The following DCAF6 variants were observed in gnomAD, a reference collection of about 807,000 sequenced individuals.
DCAF6 encodes the protein DDB1- and CUL4-associated factor 6.
DCAF6 carries 54 observed loss-of-function variants against 125.1 expected under a neutral mutation model. The ratio of observed to expected loss-of-function variants is 0.43; its 90% CI spans 0.35 to 0.54. The LOEUF (loss-of-function observed/expected upper bound fraction) is 0.54. Ranked by LOEUF, DCAF6 falls within the 20% of genes least tolerant of loss-of-function variation. The pLI, the probability that DCAF6 is intolerant of heterozygous loss-of-function variation, is 0.01. For synonymous variants in DCAF6, 371 were observed against 390.4 expected, an observed-to-expected ratio of 0.95 and a Z score of 0.58; for missense variants, 934 against 1,161.7, an observed-to-expected ratio of 0.80 and a Z score of 2.85.
the DCAF6 span, among the ~76,000 whole-genome samples, chr1:167,896,955 G>T: frequency 6.6e-6 from 1 of 152,044 alleles, no homozygotes; most frequent in Non-Finnish European, 1.5e-5. Flanking sequence ...ATACTTTTCT[G>T]CCCTTAGAAC....
At chr1:167,912,386 C>G in the DCAF6 span, among the ~76,000 whole-genome samples, 1 of 152,196 alleles carries the variant, frequency 6.6e-6, no homozygotes, top group African/African-American at 2.4e-5. Context: ...TCCCTTGCCC[C>G]ACATGTTCCT....
At chr1:168,002,233 A>G (rs1426204483) in intron 7 of DCAF6, among the ~76,000 whole-genome samples, 1 of 152,176 alleles carries the variant, frequency 6.6e-6, no homozygotes, top group Non-Finnish European at 1.5e-5. Context: ...CATGATTTCA[A>G]AGTTGCATTC....
At chr1:168,051,151 A>G (rs1689877466) in intron 17 of DCAF6, among the ~76,000 whole-genome samples, 1 of 152,242 alleles carries the variant, frequency 6.6e-6, no homozygotes, top group Middle Eastern at 3.2e-3. Flanking sequence ...CTGTGTGCAG[A>G]CTGATGTTCA....
chr1:167,906,583 C>T, the DCAF6 span, among the ~76,000 whole-genome samples: 1 of 147,242 alleles, frequency 6.8e-6, no homozygotes, highest in Admixed American at 6.9e-5. Flanking sequence ...AGCCCGAGTT[C>T]GAGACCAGCT....
At chr1:167,867,435 A>C in the DCAF6 span, among the ~76,000 whole-genome samples, 1 of 152,192 alleles carries the variant, frequency 6.6e-6, no homozygotes, top group Non-Finnish European at 1.5e-5. Flanking sequence ...CAGTATATAC[A>C]TCAAGTCACT....
chr1:167,925,606 G>A, the DCAF6 span, among the ~76,000 whole-genome samples: 2 of 147,818 alleles, frequency 1.4e-5, no homozygotes, highest in African/African-American at 2.5e-5. Context: ...GAGTGCAATG[G>A]CACAATCTCG....
intron 7 of DCAF6, among the ~76,000 whole-genome samples, chr1:167,998,448 G>A (rs1203721544): frequency 6.6e-6 from 1 of 152,076 alleles, no homozygotes; most frequent in Non-Finnish European, 1.5e-5. Context: ...TGAAGTTTCT[G>A]CATCGATAGA....
At chr1:167,881,702 G>C in the DCAF6 span, among the ~76,000 whole-genome samples, 1 of 152,162 alleles carries the variant, frequency 6.6e-6, no homozygotes, top group African/African-American at 2.4e-5. Context: ...AATCATTTGA[G>C]ACAAATACTA....
chr1:167,949,147 G>A (rs957675613), intron 1 of DCAF6, among the ~76,000 whole-genome samples: 3 of 152,222 alleles, frequency 2.0e-5, no homozygotes, highest in African/African-American at 7.2e-5. Context: ...ATAAAAGAAT[G>A]CCAGAGTAGA....
intron 20 of DCAF6, among the ~76,000 whole-genome samples, chr1:168,067,921 C>T (rs1228886076): frequency 1.3e-5 from 2 of 152,180 alleles, no homozygotes; most frequent in Admixed American, 1.3e-4. Flanking sequence ...TTTTCCAAGA[C>T]TACTCTGCCT....
At chr1:168,065,411 G>A (rs745526552) in intron 18 of DCAF6, among the ~76,000 whole-genome samples, 179 bp from the exon 19 acceptor site, 1 of 151,932 alleles carries the variant, frequency 6.6e-6, no homozygotes, top group Non-Finnish European at 1.5e-5. Context: ...GCCTCCCAAA[G>A]TGCTGGGATT....
the DCAF6 span, among the ~76,000 whole-genome samples, chr1:167,869,138 G>A: frequency 1.3e-5 from 2 of 152,150 alleles, no homozygotes; most frequent in African/African-American, 2.4e-5. Context: ...AGTGTAGCAC[G>A]GATTCGACCC....
intron 17 of DCAF6, among the ~76,000 whole-genome samples, chr1:168,062,149 A>G (rs576987879): frequency 1.3e-5 from 2 of 152,342 alleles, no homozygotes; most frequent in Admixed American, 1.3e-4. Flanking sequence ...GAAGCTAGAC[A>G]TAAAAAAAAT....
intron 1 of DCAF6, among the ~76,000 whole-genome samples, chr1:167,944,167 A>G (rs1672705180): frequency 6.6e-6 from 1 of 152,186 alleles, no homozygotes; most frequent in African/African-American, 2.4e-5. Flanking sequence ...TTATGGCTGA[A>G]TAGTATTCCA....
At chr1:167,888,178 T>A in the DCAF6 span, among the ~76,000 whole-genome samples, 1 of 152,234 alleles carries the variant, frequency 6.6e-6, no homozygotes, top group Non-Finnish European at 1.5e-5. Context: ...TGGGTTGCTA[T>A]AGCTGTGGTA....
chr1:167,878,441 C>T, the DCAF6 span: 14 of 1,613,464 alleles, frequency 8.7e-6, no homozygotes, highest in Admixed American at 8.3e-5. Flanking sequence ...ATGCTCCACA[C>T]TCACACTTTC....
At chr1:167,901,949 C>T in the DCAF6 span, 1 of 1,608,442 alleles carries the variant, frequency 6.2e-7, no homozygotes, top group African/African-American at 1.3e-5. Context: ...TCCTTTGTCC[C>T]CAACACAGAA....
At chr1:168,047,223 A>G (rs905586014) in intron 16 of DCAF6, among the ~76,000 whole-genome samples, 10 of 152,040 alleles carry the variant, frequency 6.6e-5, no homozygotes, top group African/African-American at 2.2e-4. Context: ...GATGATTTAT[A>G]TGTTTTAGGG....
chr1:167,987,895 A>T (rs1680238452), intron 5 of DCAF6, among the ~76,000 whole-genome samples: 1 of 152,030 alleles, frequency 6.6e-6, no homozygotes, highest in Non-Finnish European at 1.5e-5. Flanking sequence ...TTCAGTATAT[A>T]CTGTCTAATA....
Sources: gnomAD v4.1 joint callset for allele counts (sites outside exome capture counted in the v4.1 genomes callset) on GRCh38, gnomAD v4.1.1 for gene constraint, MANE v1.5 for transcripts, NCBI Gene and HGNC (gene_info 2026-07-23, HGNC 2026-07-21) for gene names.